MYH2: variants seen among roughly 807,000 people sequenced by gnomAD.
MYH2 encodes the protein myosin heavy chain 2.
Under a neutral mutation model 228.1 loss-of-function variants are expected in MYH2, and 139 were observed. The observed-to-expected ratio is 0.61, with a 90% CI of 0.53 to 0.70. MYH2 has a LOEUF of 0.70. Among genes scored for constraint, MYH2 ranks in the 30% least tolerant of loss-of-function variants. The probability of loss-of-function intolerance (pLI) is 0.00; values close to 1 mark genes in which losing one functional copy is unlikely to be tolerated. For synonymous variants in MYH2, 796 were observed against 871.1 expected, an observed-to-expected ratio of 0.91 and a Z score of 1.52; for missense variants, 1,809 against 2,357.5, an observed-to-expected ratio of 0.77 and a Z score of 4.82.
chr17:10,527,890 T>C lies in MYH2; in HGVS notation c.3745-16A>G, dbSNP rs767154843. On this transcript the variant is annotated splice_polypyrimidine_tract_variant and intron_variant, in intron 27 of 39. Coordinates refer to ENST00000245503, the MANE Select transcript of MYH2 (RefSeq NM_017534.6). The stretch of plus-strand genomic sequence containing the variant: ...CTAGGTTTCCCTATAGAAGAAAAAG[T>C]AAAAGAAGAAAACAGAGACCTTTTA... 6.2e-7 allele frequency: 1 copy of C among 1,611,528 alleles called. No homozygotes were observed. Among genetic ancestry groups the C allele is most frequent in the Non-Finnish European group, 8.5e-7 (1 of 1,179,822 alleles).
At position 10,524,767 on chromosome 17, in the gene MYH2, C is replaced by G. The variant is rs1126556; in HGVS notation, c.4961G>C (p.Gly1654Ala). 16 of 1,614,010 alleles carry G rather than the reference C, an allele frequency of 9.9e-6. No homozygotes were observed. In the East Asian group the frequency reaches 1.6e-4, roughly 16 times the overall value. The change falls in exon 34 of 40, where the codon GGC (glycine) becomes GCC (alanine). Residue 1654 changes from glycine (G) to alanine (A), a missense_variant. Around this residue, in one of 9 missense-constraint regions of MYH2, gnomAD observed 75 missense variants for 131.2 expected, o/e 0.57. Transcript: ENST00000245503. This position sits in a 1 kb window ranked among gnomAD's most constrained non-coding sequence, Gnocchi z 4.7. The stretch of plus-strand genomic sequence containing the variant: ...CTTGGACATATTTACCTTGAGGATG[C>G]CTTGGGTGTTCCTGTAGTTCCTCAG... Reference protein sequence around the residue: ...EALRNYRNTQGILKDTQIHLD... With the variant: ...EALRNYRNTQAILKDTQIHLD...
intron 8 of MYH2, 23 bp from the exon 9 acceptor site, chr17:10,543,184 C>T: frequency 6.5e-7 from 1 of 1,548,364 alleles, no homozygotes; most frequent in Non-Finnish European, 8.9e-7. Context: ...GCTAATATTA[C>T]TACCTTTTTT....
Position 10,537,853 on chromosome 17 carries a change from T to C in MYH2, c.1417-18A>G. 6.2e-7 allele frequency: 1 copy of C among 1,614,218 alleles called. No individual in the cohort carries two copies. Among genetic ancestry groups the C allele is most frequent in the Non-Finnish European group, 8.5e-7 (1 of 1,180,028 alleles). Reference sequence around the variant, plus strand: ...CTGTTGAACTAAATAAATAGATATGTTTACTTCTCTCTTAAGCAAATTGAG... The same window carrying C: ...CTGTTGAACTAAATAAATAGATATGCTTACTTCTCTCTTAAGCAAATTGAG... On this transcript the variant is annotated intron_variant, in intron 14 of 39. Coordinates refer to ENST00000245503, the MANE Select transcript of MYH2 (RefSeq NM_017534.6). The surrounding 1 kb of genome is among the most constrained non-coding windows in gnomAD (Gnocchi z 4.0).
intron 14 of MYH2, among the ~76,000 whole-genome samples, 181 bp from the exon 15 acceptor site, chr17:10,538,016 A>G (rs2073503756): frequency 6.6e-6 from 1 of 152,204 alleles, no homozygotes; most frequent in Non-Finnish European, 1.5e-5. Context: ...GGCATGTGGA[A>G]GCTACTATTT....
chr17:10,521,501 A>C, intron 39 of MYH2, 69 bp from the exon 40 acceptor site: 1 of 1,541,616 alleles, frequency 6.5e-7, no homozygotes, highest in Non-Finnish European at 9.0e-7. Flanking sequence ...ACCTAATAGA[A>C]GAAAGGACTT....
In MYH2 at chr17:10,529,670, G is replaced by T. The variant is rs557880529; in HGVS notation, c.3011C>A (p.Ala1004Asp). 7 of 1,614,006 alleles carry T rather than the reference G, an allele frequency of 4.3e-6. No individual in the cohort carries two copies. In the South Asian group the frequency reaches 6.6e-5, roughly 15 times the overall value. Residue 1004 changes from alanine (A) to aspartate (D), a missense_variant, in exon 24 of 40, where the codon GCT (alanine) becomes GAT (aspartate). By Grantham distance (126) the Ala-to-Asp change is moderately radical. Around this residue, in one of 9 missense-constraint regions of MYH2, gnomAD observed 636 missense variants for 729.9 expected, o/e 0.87. Coordinates refer to ENST00000245503, the MANE Select transcript of MYH2 (RefSeq NM_017534.6). The part of the protein sequence containing the change: ...TIAKLTKEKK[A>D]LQEAHQQTLD... The stretch of plus-strand genomic sequence containing the variant: ...GGTCTGCTGGTGGGCCTCCTGGAGA[G>T]CCTTCTTCTCCTTGGTCAGCTTAGC...
chr17:10,530,110 G>A lies in MYH2; in HGVS notation c.2698-36C>T, dbSNP rs2073407991. ...AAACAAGATCAAAATTGGGAAGAAA[G>A]AATGAAATACTTCACAATGGATAAG... On this transcript the variant is annotated intron_variant, in intron 22 of 39. Coordinates refer to ENST00000245503, the MANE Select transcript of MYH2 (RefSeq NM_017534.6). 3 of 1,613,780 alleles carry A rather than the reference G, an allele frequency of 1.9e-6. No individual in the cohort carries two copies. In the African/African-American group the frequency reaches 4.0e-5, roughly 22 times the overall value.
intron 22 of MYH2, 47 bp downstream of exon 22, chr17:10,531,586 G>C: frequency 6.2e-7 from 1 of 1,613,910 alleles, no homozygotes; most frequent in Non-Finnish European, 8.5e-7. Context: ...CAAAGTTCTA[G>C]CACCTGCATC....
At chr17:10,548,717 T>C (rs1288370891) in intron 2 of MYH2, among the ~76,000 whole-genome samples, 1 of 152,202 alleles carries the variant, frequency 6.6e-6, no homozygotes, top group Non-Finnish European at 1.5e-5. Context: ...ATTCCAAATT[T>C]TCCTTTGAAG....
chr17:10,536,588 G>A lies in MYH2; in HGVS notation c.1916C>T (p.Ala639Val). The A allele has an allele frequency of 6.2e-7, 1 of 1,613,778 alleles. No individual in the cohort carries two copies. The highest frequency in any genetic ancestry group is 1.6e-4 in the Middle Eastern group (1 of 6,062). Residue 639 changes from alanine to valine, a missense_variant, in exon 17 of 40, where the codon GCC (alanine) becomes GTC (valine). By Grantham distance (64) the Ala-to-Val change is moderately conservative. Coordinates refer to ENST00000245503, the MANE Select transcript of MYH2 (RefSeq NM_017534.6). ...GCCCTTCTTCTTACCACCTTTCTTG[G>A]CCCCTCCACCAGCTCCCTCTGAAGA... Reference protein sequence around the residue: ...TAEGEGAGGGAKKGGKKKGSS... With the variant: ...TAEGEGAGGGVKKGGKKKGSS...
intron 10 of MYH2, among the ~76,000 whole-genome samples, chr17:10,541,069 T>C (rs767284185): frequency 1.3e-5 from 2 of 152,168 alleles, no homozygotes; most frequent in African/African-American, 4.8e-5. Context: ...CTCAGGACCC[T>C]GTGATGACTG....
chr17:10,541,836 A>G (rs2073559461), intron 10 of MYH2, among the ~76,000 whole-genome samples: 1 of 152,190 alleles, frequency 6.6e-6, no homozygotes, highest in South Asian at 2.1e-4. Context: ...GTGAAATAAC[A>G]TTGAATTATT....
chr17:10,524,029 T>TC lies in MYH2; in HGVS notation c.5176-146_5176-145insG. 1.3e-6 allele frequency: 1 copy of TC among 769,986 alleles called. No homozygotes were observed. Among genetic ancestry groups the TC allele is most frequent in the Non-Finnish European group, 2.0e-6 (1 of 495,498 alleles). The allele number at this position is 769,986 out of a possible 1,614,324, so 47.7% of individuals were successfully genotyped here. On this transcript the variant is annotated intron_variant, in intron 35 of 39. Transcript: ENST00000245503. This position sits in a 1 kb window ranked among gnomAD's most constrained non-coding sequence, Gnocchi z 4.7. ...AGAATTAAAGGATTGTGTTATGTAATATGATTAAATAAAATATAAATGTTA... is the reference window on the plus strand; with the variant it reads ...AGAATTAAAGGATTGTGTTATGTAATCATGATTAAATAAAATATAAATGTTA...
chr17:10,523,386 C>A lies in MYH2; in HGVS notation c.5499G>T (p.Glu1833Asp). ...CCTCAGCATTACGCTTTTGCTCACT[C>A]TCAACCTCTCCTTCCAGCTCCCGTA... ...ARVRELEGEV[E>D]SEQKRNAEAV... Residue 1833 changes from glutamate to aspartate, a missense_variant, in exon 38 of 40, where the codon GAG becomes GAT. Glu to Asp is a conservative substitution (Grantham distance 45, BLOSUM62 2). This residue lies in a region of MYH2 where 278 missense variants were observed against 308.5 expected (regional missense o/e 0.90). Coordinates refer to ENST00000245503, the MANE Select transcript of MYH2 (RefSeq NM_017534.6). The A allele has an allele frequency of 1.2e-6, 2 of 1,614,200 alleles. No homozygotes were observed. The highest frequency in any genetic ancestry group is 1.7e-6 in the Non-Finnish European group (2 of 1,180,040).
rs199961294 is a variant in MYH2 at position 10,543,950 on chromosome 17, T to C, written c.600A>G (p.Ala200=). The C allele has an allele frequency of 3.2e-5, 51 of 1,614,096 alleles. No individual in the cohort carries two copies. Among genetic ancestry groups the C allele is most frequent in the Non-Finnish European group, 4.2e-5 (49 of 1,180,038 alleles). The change falls in exon 7 of 40, where the codon GCA becomes GCG. Residue 200 remains alanine (A), a synonymous_variant. Coordinates refer to ENST00000245503, the MANE Select transcript of MYH2 (RefSeq NM_017534.6). ...CTTCCTTCTTCTTCTCACCAGTAACTGCAATTGTTGCAAAGTACTGGATGA... is the reference window on the plus strand; with the variant it reads ...CTTCCTTCTTCTTCTCACCAGTAACCGCAATTGTTGCAAAGTACTGGATGA... ...KRVIQYFATI[A]VTGEKKKEEI...
intron 4 of MYH2, 38 bp downstream of exon 4, chr17:10,547,437 G>A (rs2073649210): frequency 3.1e-6 from 5 of 1,612,632 alleles, no homozygotes; most frequent in Middle Eastern, 3.3e-4. Flanking sequence ...TAGGGTACAT[G>A]AGGATGATTA....
Position 10,539,573 on chromosome 17 carries a change from GAA to G in MYH2, c.1148-13_1148-12del, listed in dbSNP as rs746424462. ...CCGCCTTGTCAGCAACTAAAAAGAA[GAA>G]AGAGTAGAACAATGTTATTGTGGCC... On this transcript the variant is annotated splice_polypyrimidine_tract_variant and intron_variant, in intron 12 of 39. Coordinates refer to ENST00000245503, the MANE Select transcript of MYH2 (RefSeq NM_017534.6). 1.2e-5 allele frequency: 20 copies of G among 1,601,892 alleles called. No homozygotes were observed. In the East Asian group the frequency reaches 4.5e-4, roughly 36 times the overall value.
In MYH2 at chr17:10,521,359, G is replaced by A; in HGVS notation, c.5747C>T (p.Ala1916Val). ...QHELEEAEER[A>V]DIAESQVNKL... ...GTTCACCTGGGACTCAGCAATGTCA[G>A]CCCGTTCCTCGGCCTCCTCCAGCTC... Residue 1916 changes from alanine to valine, a missense_variant, in exon 40 of 40, where the codon GCT (alanine) becomes GTT (valine). Transcript: ENST00000245503. 1.2e-6 allele frequency: 2 copies of A among 1,614,120 alleles called. No homozygotes were observed.
intron 16 of MYH2, among the ~76,000 whole-genome samples, chr17:10,536,978 G>A (rs953855900): frequency 2.0e-5 from 3 of 152,214 alleles, no homozygotes; most frequent in Non-Finnish European, 4.4e-5. Context: ...GGAGGAAGAA[G>A]TAGGAGAGAA....
Sources: gnomAD v4.1 joint callset for allele counts (sites outside exome capture counted in the v4.1 genomes callset) on GRCh38, gnomAD v4.1.1 for gene constraint, gnomAD v4.1.1 regional missense constraint, Gnocchi (gnomAD v3.1) non-coding constraint, MANE v1.5 for transcripts, NCBI Gene and HGNC (gene_info 2026-07-23, HGNC 2026-07-21) for gene names.